THSD4: variants seen among roughly 807,000 people sequenced by gnomAD.
THSD4 encodes thrombospondin type-1 domain-containing protein 4.
Under a neutral mutation model 119.0 loss-of-function variants are expected in THSD4, and 69 were observed. The ratio of observed to expected loss-of-function variants is 0.58; its 90% CI spans 0.48 to 0.71. THSD4 has a LOEUF of 0.71. Ranked by LOEUF, THSD4 falls within the 30% of genes least tolerant of loss-of-function variation. The probability of loss-of-function intolerance (pLI) is 0.00; values close to 1 mark genes in which losing one functional copy is unlikely to be tolerated. For missense variants in THSD4, 1,393 were observed against 1,391.1 expected, an observed-to-expected ratio of 1.00 and a Z score of -0.02; for synonymous variants, 524 against 540.4, an observed-to-expected ratio of 0.97 and a Z score of 0.42.
intron 7 of THSD4, among the ~76,000 whole-genome samples, chr15:71,560,622 T>C (rs1288215218): frequency 6.6e-6 from 1 of 152,244 alleles, no homozygotes; most frequent in Non-Finnish European, 1.5e-5. Context: ...TGTAAAGATG[T>C]ACTTTCCATT....
At chr15:71,237,093 CAA>C (rs1184291988) in intron 4 of THSD4, among the ~76,000 whole-genome samples, 4 of 151,972 alleles carry the variant, frequency 2.6e-5, no homozygotes, top group South Asian at 2.1e-4. Flanking sequence ...CCAGGGCTGA[CAA>C]GAGATGCAGC....
Position 71,640,414 on chromosome 15 carries a change from G to A in THSD4, c.1153-20116G>A, listed in dbSNP as rs544783117. On this transcript the variant is annotated intron_variant, in intron 7 of 17. Coordinates refer to ENST00000261862, the MANE Select transcript of THSD4 (RefSeq NM_024817.3). ...TTTCTAATCCTAAATAGTGAAATTA[G>A]AGGGCCAACTGTGGCAAATCTAGGG... Among the ~76,000 whole-genome samples the A allele has an allele frequency of 3.1e-4, 47 of 152,178 alleles. 2 individuals are homozygous for A. In the South Asian group the frequency reaches 9.3e-3, roughly 30 times the overall value.
chr15:71,595,871 G>A (rs1353695624), intron 7 of THSD4, among the ~76,000 whole-genome samples: 2 of 152,198 alleles, frequency 1.3e-5, no homozygotes, highest in Non-Finnish European at 2.9e-5. Flanking sequence ...CAAGGTCTGC[G>A]AAAGTGACAG....
rs543454438 is a variant in THSD4 at position 71,190,494 on chromosome 15, G to A, written c.100-24541G>A. 3.9e-5 allele frequency among the ~76,000 whole-genome samples: 6 copies of A among 152,278 alleles called. No homozygotes were observed. The South Asian group carries it at 1.2e-3, about 32-fold the overall frequency. ...GGTACGGTTAGGGCTGACAGCTATC[G>A]GACTGAGGGGGTTGCTAGAAGCTGT... On this transcript the variant is annotated intron_variant, in intron 3 of 17. Coordinates refer to ENST00000261862, the MANE Select transcript of THSD4 (RefSeq NM_024817.3).
chr15:71,704,001 C>T (rs2052345288), intron 8 of THSD4, among the ~76,000 whole-genome samples: 1 of 152,110 alleles, frequency 6.6e-6, no homozygotes, highest in African/African-American at 2.4e-5. Context: ...AGGCGCCCAC[C>T]ACCACGCCCG....
At chr15:71,554,841 A>C (rs1311532482) in intron 7 of THSD4, among the ~76,000 whole-genome samples, 1 of 152,102 alleles carries the variant, frequency 6.6e-6, no homozygotes, top group Non-Finnish European at 1.5e-5. Context: ...TTAAAAAGGC[A>C]TAATACTGAA....
chr15:71,639,233 A>G (rs111258333), intron 7 of THSD4, among the ~76,000 whole-genome samples: 3 of 152,240 alleles, frequency 2.0e-5, no homozygotes, highest in African/African-American at 7.2e-5. Context: ...CCCTTTGCCT[A>G]AAGTGAAAAG....
chr15:71,697,090 C>A (rs1050870208), intron 8 of THSD4, among the ~76,000 whole-genome samples: 2 of 151,988 alleles, frequency 1.3e-5, no homozygotes, highest in African/African-American at 2.4e-5. Context: ...GGTGAAGGAG[C>A]AAAAGGGGAT....
chr15:71,575,325 CT>C (rs1439843584), intron 7 of THSD4, among the ~76,000 whole-genome samples: 2 of 152,146 alleles, frequency 1.3e-5, no homozygotes, highest in Non-Finnish European at 2.9e-5. Flanking sequence ...TCACTTTTAG[CT>C]TCATATTATT....
chr15:71,344,327 G>C (rs7168847), intron 6 of THSD4, among the ~76,000 whole-genome samples: 50,858 of 152,034 alleles, frequency 0.33, 8,911 homozygotes, highest in African/African-American at 0.43. Context: ...ACAGGCGTGA[G>C]CCACTGTGCC....
At chr15:71,113,058 G>A (rs1052910099), upstream of THSD4, among the ~76,000 whole-genome samples, 13 of 152,138 alleles carry the variant, frequency 8.5e-5, no homozygotes, top group Admixed American at 3.3e-4. Flanking sequence ...ATGTGGTGGC[G>A]CACGCCTGTA....
intron 6 of THSD4, among the ~76,000 whole-genome samples, chr15:71,264,865 T>C (rs2044445706): frequency 6.6e-6 from 1 of 152,144 alleles, no homozygotes; most frequent in Admixed American, 6.5e-5. Flanking sequence ...TATAAAGTTC[T>C]GCTAATACAC....
chr15:71,182,155 AC>A (rs2141424634), intron 3 of THSD4, among the ~76,000 whole-genome samples: 1 of 147,792 alleles, frequency 6.8e-6, no homozygotes, highest in African/African-American at 2.4e-5. Flanking sequence ...GTATTTAATC[AC>A]TACTAAGTTC....
At chr15:71,482,312 A>G (rs1399982004) in intron 7 of THSD4, among the ~76,000 whole-genome samples, 2 of 52,640 alleles carry the variant, frequency 3.8e-5, no homozygotes, top group African/African-American at 6.5e-5. Context: ...TTTTTTTGAG[A>G]CGGAGTCTTG....
chr15:71,303,374 CAG>C (rs1252584174), intron 6 of THSD4, among the ~76,000 whole-genome samples: 9 of 152,170 alleles, frequency 5.9e-5, no homozygotes, highest in Non-Finnish European at 1.2e-4. Context: ...CTCTGGCAGA[CAG>C]TGTTGTCTGC....
chr15:71,574,570 C>T (rs1314077842), intron 7 of THSD4, among the ~76,000 whole-genome samples: 1 of 152,070 alleles, frequency 6.6e-6, no homozygotes. Context: ...AAGTCAGCAG[C>T]GATGGCTATG....
chr15:71,684,692 A>G (rs1026388979), intron 8 of THSD4, among the ~76,000 whole-genome samples: 1 of 151,576 alleles, frequency 6.6e-6, no homozygotes. Context: ...CTTATTTGGG[A>G]TTTTTAAAAT....
chr15:71,367,665 T>C (rs2045983205), intron 6 of THSD4, among the ~76,000 whole-genome samples: 1 of 152,246 alleles, frequency 6.6e-6, no homozygotes, highest in Admixed American at 6.5e-5. Flanking sequence ...TGCCACATTT[T>C]CTTAATCCAG....
intron 7 of THSD4, among the ~76,000 whole-genome samples, chr15:71,558,178 A>G (rs2049049798): frequency 6.6e-6 from 1 of 152,150 alleles, no homozygotes; most frequent in Non-Finnish European, 1.5e-5. Context: ...AAATACAAAA[A>G]TTAACCAGGC....
Sources: gnomAD v4.1 joint callset for allele counts (sites outside exome capture counted in the v4.1 genomes callset) on GRCh38, gnomAD v4.1.1 for gene constraint, MANE v1.5 for transcripts, NCBI Gene and HGNC (gene_info 2026-07-23, HGNC 2026-07-21) for gene names.